PFKFB2: variants seen among roughly 807,000 people sequenced by gnomAD.
PFKFB2 encodes 6-phosphofructo-2-kinase/fructose-2,6-biphosphatase 2, also known as 6-phosphofructo-2-kinase/fructose-2,6-bisphosphatase 2.
Under a neutral mutation model 68.0 loss-of-function variants are expected in PFKFB2, and 53 were observed. That is an observed-to-expected ratio of 0.78 (90% CI 0.63 to 0.98). The LOEUF is 0.98. PFKFB2 is among the 50% of genes least tolerant of loss of function. PFKFB2 has a pLI of 0.00. For missense variants in PFKFB2, 451 were observed against 642.0 expected (o/e 0.70, Z 3.22); for synonymous variants, 222 against 227.6 (o/e 0.98, Z 0.22).
At chr1:207,049,339 G>C, upstream of PFKFB2, 2 of 1,614,078 alleles carry the variant, frequency 1.2e-6, no homozygotes, top group Non-Finnish European at 1.7e-6. Context: ...AATTCTTACT[G>C]TCTGTGTATC....
At chr1:207,035,695 A>T (rs1483322180) in intron 1 of PFKFB2, among the ~76,000 whole-genome samples, 1 of 151,972 alleles carries the variant, frequency 6.6e-6, no homozygotes, top group Admixed American at 6.5e-5. Context: ...AAAAAAGAAA[A>T]GAGGTTTGTT....
Position 207,070,358 on chromosome 1 carries a change from C to T in PFKFB2, c.1171C>T (p.His391Tyr), listed in dbSNP as rs776061783. 1.2e-6 allele frequency: 2 copies of T among 1,613,992 alleles called. No individual in the cohort carries two copies. Among genetic ancestry groups the T allele is most frequent in the South Asian group, 1.1e-5 (1 of 91,062 alleles). The change falls in exon 12 of 15, where the codon CAC becomes TAC. Residue 391 changes from histidine to tyrosine, a missense_variant. Coordinates refer to ENST00000367080, the MANE Select transcript of PFKFB2 (RefSeq NM_006212.2). The surrounding 1 kb of genome is among the most constrained non-coding windows in gnomAD (Gnocchi z 4.2). ...ERQGNVLVISHQAVMRCLLAY... is the reference protein window; with the variant it reads ...ERQGNVLVISYQAVMRCLLAY... ...TCAGGGCAATGTCCTCGTCATCTCC[C>T]ACCAGGCTGTCATGCGCTGCCTCCT...
At chr1:207,071,145 A>C in intron 12 of PFKFB2, 43 bp from the exon 13 acceptor site, 1 of 1,519,182 alleles carries the variant, frequency 6.6e-7, no homozygotes, top group Non-Finnish European at 9.1e-7. Context: ...ACCTTACTCC[A>C]TAATACTAAG....
At position 207,075,107 on chromosome 1, in the gene PFKFB2, G is replaced by T. The variant is rs904877299; in HGVS notation, c.*2736G>T. 1.0e-6 allele frequency: 1 copy of T among 985,428 alleles called. No individual in the cohort carries two copies. The highest frequency in any genetic ancestry group is 4.7e-5 in the South Asian group (1 of 21,290). The allele number at this position is 985,428 out of a possible 1,614,324, so 61.0% of individuals were successfully genotyped here. On this transcript the variant is annotated 3_prime_UTR_variant, in exon 15 of 15. Coordinates refer to ENST00000367080, the MANE Select transcript of PFKFB2 (RefSeq NM_006212.2). ...GGAGCACTTTGATCCACAGACTTTGGATTAACACTGTACCCACTCTTAGCA... is the reference window on the plus strand; with the variant it reads ...GGAGCACTTTGATCCACAGACTTTGTATTAACACTGTACCCACTCTTAGCA...
chr1:207,037,841 A>G (rs2791695), intron 1 of PFKFB2, among the ~76,000 whole-genome samples: 17,161 of 152,254 alleles, frequency 0.11, 3,164 homozygotes, highest in African/African-American at 0.38. Context: ...TATAATTCTC[A>G]GTAATCATAT....
downstream of PFKFB2, among the ~76,000 whole-genome samples, chr1:207,078,729 A>G (rs1310523162): frequency 6.6e-6 from 1 of 152,166 alleles, no homozygotes; most frequent in East Asian, 1.9e-4. Context: ...GCCTGGTCCA[A>G]TATGGTCACG....
Position 207,063,373 on chromosome 1 carries a change from G to A in PFKFB2, c.402G>A (p.Arg134=). 1 of 1,613,764 alleles carries A rather than the reference G, an allele frequency of 6.2e-7. No homozygotes were observed. The highest frequency in any genetic ancestry group is 8.5e-7 in the Non-Finnish European group (1 of 1,179,708). Residue 134 remains arginine (R), a synonymous_variant, in exon 6 of 15, where the codon CGG becomes CGA. Coordinates refer to ENST00000367080, the MANE Select transcript of PFKFB2 (RefSeq NM_006212.2). The surrounding 1 kb of genome is among the most constrained non-coding windows in gnomAD (Gnocchi z 4.1). The part of the protein sequence containing the change: ...IAVFDATNTT[R]ERRDMILNFA... ...TGTTTGATGCCACCAATACAACCCGGGAGAGGAGGGACATGATTTTGAACT... is the reference window on the plus strand; with the variant it reads ...TGTTTGATGCCACCAATACAACCCGAGAGAGGAGGGACATGATTTTGAACT...
intron 1 of PFKFB2, among the ~76,000 whole-genome samples, chr1:207,041,658 A>C (rs1377903820): frequency 3.3e-5 from 5 of 152,162 alleles, no homozygotes; most frequent in Non-Finnish European, 7.4e-5. Context: ...GTTGGTTCCA[A>C]GTCTTTGCTA....
chr1:207,071,155 GA>G (rs766153228), intron 12 of PFKFB2, 32 bp from the exon 13 acceptor site: 1 of 1,574,054 alleles, frequency 6.4e-7, no homozygotes, highest in Non-Finnish European at 8.7e-7. Flanking sequence ...ATAATACTAA[GA>G]GACTTCCCTC....
intron 2 of PFKFB2, chr1:207,061,075 CTTTATA>C: frequency 1.1e-5 from 1 of 90,210 alleles, no homozygotes; most frequent in South Asian, 2.9e-4. Context: ...TTATATATAT[CTTTATA>C]TATCTTTATA....
At chr1:207,058,166 G>A (rs950381731) in intron 2 of PFKFB2, among the ~76,000 whole-genome samples, 5 of 152,184 alleles carry the variant, frequency 3.3e-5, no homozygotes, top group Non-Finnish European at 5.9e-5. Context: ...GTAGTTATAC[G>A]AACTTGGTTA....
chr1:207,070,115 T>C lies in PFKFB2; in HGVS notation c.1093-165T>C, dbSNP rs566080816. On this transcript the variant is annotated intron_variant, in intron 11 of 14. Coordinates refer to ENST00000367080, the MANE Select transcript of PFKFB2 (RefSeq NM_006212.2). The surrounding 1 kb of genome is among the most constrained non-coding windows in gnomAD (Gnocchi z 4.2). ...GAAAGATCTGAGTTTTCTCAAGAGA[T>C]ACCAGGGCTGGGGGCAGTTAGCAGG... Among the ~76,000 whole-genome samples, 20 of 152,300 alleles carry C rather than the reference T, an allele frequency of 1.3e-4. 1 individual carries two copies. In the South Asian group the frequency reaches 4.1e-3, roughly 32 times the overall value.
In PFKFB2 at chr1:207,072,482, C is replaced by A. The variant is rs772387449; in HGVS notation, c.*111C>A. The A allele has an allele frequency of 3.1e-4, 456 of 1,486,530 alleles. No individual in the cohort carries two copies. Among genetic ancestry groups the A allele is most frequent in the Non-Finnish European group, 3.8e-4 (429 of 1,120,704 alleles). 92.1% of individuals were successfully genotyped at this position (1,486,530 alleles called of 1,614,324 possible). A position where few individuals can be genotyped will look rare whatever the true frequency, so the allele number is the denominator to read the frequency against. On this transcript the variant is annotated 3_prime_UTR_variant, in exon 15 of 15. Transcript: ENST00000367080. Reference sequence around the variant, plus strand: ...GAGTCATTAACTTCCTCCCTCTATGCCCACCCCTGACACTTCACCATTAAT... The same window carrying A: ...GAGTCATTAACTTCCTCCCTCTATGACCACCCCTGACACTTCACCATTAAT...
intron 1 of PFKFB2, among the ~76,000 whole-genome samples, chr1:207,042,015 T>G (rs1402834751): frequency 6.6e-6 from 1 of 152,258 alleles, no homozygotes; most frequent in African/African-American, 2.4e-5. Flanking sequence ...AGGTTTTTAA[T>G]GTAAGTTTAC....
In PFKFB2 at chr1:207,072,226, C is replaced by G. The variant is rs1223098864; in HGVS notation, c.1373C>G (p.Thr458Ser). ...CAGAACAACTTCCCCAAGAACCAAA[C>G]CCCTGTAAGGATGAGAAGGAACAGC... Reference protein sequence around the residue: ...KPTNNFPKNQTPVRMRRNSFT... With the variant: ...KPTNNFPKNQSPVRMRRNSFT... The change falls in exon 15 of 15, where the codon ACC becomes AGC. Residue 458 changes from threonine to serine, a missense_variant. Coordinates refer to ENST00000367080, the MANE Select transcript of PFKFB2 (RefSeq NM_006212.2). 4.3e-6 allele frequency: 7 copies of G among 1,614,064 alleles called. No individual in the cohort carries two copies. The highest frequency in any genetic ancestry group is 5.9e-6 in the Non-Finnish European group (7 of 1,179,974).
chr1:207,067,083 T>C (rs1332175776), intron 8 of PFKFB2, among the ~76,000 whole-genome samples: 1 of 152,252 alleles, frequency 6.6e-6, no homozygotes, highest in African/African-American at 2.4e-5. Flanking sequence ...GTGCTTCTGC[T>C]GCCTCTTCCC....
At chr1:207,050,567 C>T, upstream of PFKFB2, 1 of 1,323,242 alleles carries the variant, frequency 7.6e-7, no homozygotes, top group East Asian at 2.4e-5. Flanking sequence ...CTATCCTCGC[C>T]CCTGGCCTCA....
Position 207,074,057 on chromosome 1 carries a change from T to G in PFKFB2, c.*1686T>G. 2 of 903,818 alleles carry G rather than the reference T, an allele frequency of 2.2e-6. No individual in the cohort carries two copies. Among genetic ancestry groups the G allele is most frequent in the Non-Finnish European group, 2.6e-6 (2 of 755,546 alleles). The allele number at this position is 903,818 out of a possible 1,614,324, so 56.0% of individuals were successfully genotyped here. ...AGGATTGTTGAATCATAAACATGCCTGTGTCCACCTTATGCTTAATACTGA... is the reference window on the plus strand; with the variant it reads ...AGGATTGTTGAATCATAAACATGCCGGTGTCCACCTTATGCTTAATACTGA... On this transcript the variant is annotated 3_prime_UTR_variant, in exon 15 of 15. Transcript: ENST00000367080.
upstream of PFKFB2, chr1:207,050,858 T>G: frequency 6.2e-7 from 1 of 1,612,584 alleles, no homozygotes; most frequent in East Asian, 2.2e-5. Context: ...CTGCAAAACA[T>G]GGGTGCCGTC....
Sources: gnomAD v4.1 joint callset for allele counts (sites outside exome capture counted in the v4.1 genomes callset) on GRCh38, gnomAD v4.1.1 for gene constraint, Gnocchi (gnomAD v3.1) non-coding constraint, MANE v1.5 for transcripts, NCBI Gene and HGNC (gene_info 2026-07-23, HGNC 2026-07-21) for gene names.